Variants in LGR4 observed in about 807,000 individuals in gnomAD.
The protein encoded by LGR4 is leucine-rich repeat-containing G protein-coupled receptor 4.
In LGR4, 44 loss-of-function variants were observed where a neutral mutation model predicts 84.8. The observed-to-expected ratio is 0.52, with a 90% CI of 0.41 to 0.67. LGR4 has a LOEUF of 0.67. Ranked by LOEUF, LGR4 falls within the 30% of genes least tolerant of loss-of-function variation. LGR4 has a pLI of 0.00. For missense variants in LGR4, 1,032 were observed against 1,131.4 expected, an observed-to-expected ratio of 0.91 and a Z score of 1.26; for synonymous variants, 429 against 434.3, an observed-to-expected ratio of 0.99 and a Z score of 0.15.
At position 27,366,279 on chromosome 11, in the gene LGR4, T is replaced by A. The variant is rs1252398533; in HGVS notation, c.*1588A>T. The A allele has an allele frequency of 2.6e-5, 4 of 152,580 alleles. No homozygotes were observed. The highest frequency in any genetic ancestry group is 4.4e-5 in the Non-Finnish European group (3 of 67,970). The allele number at this position is 152,580 out of a possible 1,614,324, so 9.5% of individuals were successfully genotyped here. A position where few individuals can be genotyped will look rare whatever the true frequency, so the allele number is the denominator to read the frequency against. The stretch of plus-strand genomic sequence containing the variant: ...TTATACAAACTACATGATTTTGATA[T>A]ACAAAGATTCTGTTTTTATTACACT... On this transcript the variant is annotated 3_prime_UTR_variant, in exon 18 of 18. Transcript: ENST00000379214.
chr11:27,400,541 C>T (rs1209020015), intron 2 of LGR4, among the ~76,000 whole-genome samples: 5 of 149,852 alleles, frequency 3.3e-5, no homozygotes, highest in South Asian at 2.1e-4. Flanking sequence ...CTCACTCTGT[C>T]GCCCAGGCTG....
At chr11:27,442,770 G>A (rs539446110) in intron 1 of LGR4, among the ~76,000 whole-genome samples, 7 of 152,298 alleles carry the variant, frequency 4.6e-5, no homozygotes, top group African/African-American at 7.2e-5. Flanking sequence ...AGAGAGGGCC[G>A]TAGAGAGAAG....
chr11:27,404,351 G>C (rs1022706496), intron 2 of LGR4, among the ~76,000 whole-genome samples: 1 of 151,898 alleles, frequency 6.6e-6, no homozygotes, highest in East Asian at 1.9e-4. Context: ...TTCGTTCCTG[G>C]GCTGCTAAGC....
intron 1 of LGR4, chr11:27,471,598 G>A (rs1864873493): frequency 6.6e-6 from 1 of 152,358 alleles, no homozygotes; most frequent in African/African-American, 2.4e-5. Flanking sequence ...CCCTGACTGA[G>A]GTACAGGTGT....
intron 2 of LGR4, among the ~76,000 whole-genome samples, 191 bp from the exon 3 acceptor site, chr11:27,392,709 G>A (rs902061075): frequency 1.3e-5 from 2 of 152,044 alleles, no homozygotes; most frequent in African/African-American, 4.8e-5. Flanking sequence ...AATGTCTCTA[G>A]AATTTTTTTT....
intron 4 of LGR4, among the ~76,000 whole-genome samples, chr11:27,389,740 G>A (rs1405964726): frequency 6.6e-6 from 1 of 152,114 alleles, no homozygotes; most frequent in East Asian, 1.9e-4. Context: ...GATGAATTCA[G>A]GTCCAAGAGA....
At chr11:27,444,921 C>G (rs1347781957) in intron 1 of LGR4, among the ~76,000 whole-genome samples, 1 of 152,148 alleles carries the variant, frequency 6.6e-6, no homozygotes, top group African/African-American at 2.4e-5. Flanking sequence ...AGGTAGGGTT[C>G]TCAGAGAACA....
chr11:27,402,881 C>A (rs1267970663), intron 2 of LGR4, among the ~76,000 whole-genome samples: 2 of 152,086 alleles, frequency 1.3e-5, no homozygotes, highest in African/African-American at 4.8e-5. Context: ...GTGATCTTGA[C>A]GTAGAAGCAA....
intron 1 of LGR4, among the ~76,000 whole-genome samples, chr11:27,451,521 G>A (rs73448048): frequency 0.066 from 10,085 of 152,168 alleles, 989 homozygotes; most frequent in African/African-American, 0.21. Flanking sequence ...CACATCACTG[G>A]GGTTAACAAT....
At chr11:27,442,763 G>C (rs907089184) in intron 1 of LGR4, among the ~76,000 whole-genome samples, 1 of 152,310 alleles carries the variant, frequency 6.6e-6, no homozygotes, top group South Asian at 2.1e-4. Context: ...ATGAAGAAGA[G>C]AGGGCCGTAG....
intron 1 of LGR4, among the ~76,000 whole-genome samples, chr11:27,437,626 T>C (rs994115925): frequency 1.2e-4 from 18 of 151,964 alleles, no homozygotes; most frequent in African/African-American, 4.4e-4. Flanking sequence ...TTAAAGTCTT[T>C]ATGGATTTTT....
chr11:27,445,256 G>A lies in LGR4; in HGVS notation c.185+26862C>T, dbSNP rs533457398. Among the ~76,000 whole-genome samples, 27 of 152,188 alleles carry A rather than the reference G, an allele frequency of 1.8e-4. No homozygotes were observed. In the South Asian group the frequency reaches 4.8e-3, roughly 27 times the overall value. ...AACCCTATCACCTATGGACACGTGC[G>A]GGCCAGTGTGAGAGACTGGAGGGCA... On this transcript the variant is annotated intron_variant, in intron 1 of 17. Transcript: ENST00000379214.
intron 2 of LGR4, among the ~76,000 whole-genome samples, chr11:27,412,403 C>G (rs765790982): frequency 1.3e-5 from 2 of 152,082 alleles, no homozygotes; most frequent in Non-Finnish European, 2.9e-5. Context: ...CCTGAAACAC[C>G]TTGTGTTATT....
At chr11:27,444,291 G>C (rs1565095712) in intron 1 of LGR4, among the ~76,000 whole-genome samples, 2 of 152,272 alleles carry the variant, frequency 1.3e-5, no homozygotes, top group East Asian at 3.9e-4. Flanking sequence ...AGTTAGAGCT[G>C]AGACAGGCAG....
At chr11:27,452,014 A>G (rs1029204337) in intron 1 of LGR4, among the ~76,000 whole-genome samples, 2 of 152,228 alleles carry the variant, frequency 1.3e-5, no homozygotes, top group African/African-American at 2.4e-5. Context: ...GCTGGGGGAA[A>G]AAATGGACAC....
At chr11:27,410,065 T>C (rs1383537221) in intron 2 of LGR4, among the ~76,000 whole-genome samples, 41 of 152,174 alleles carry the variant, frequency 2.7e-4, no homozygotes, top group Non-Finnish European at 1.5e-5. Flanking sequence ...ACGTGAAATG[T>C]GGCTAGTTCA....
At chr11:27,378,429 G>A (rs901776005) in intron 11 of LGR4, among the ~76,000 whole-genome samples, 1 of 152,032 alleles carries the variant, frequency 6.6e-6, no homozygotes, top group African/African-American at 2.4e-5. Flanking sequence ...CAAAGAGCAG[G>A]ATGAGAAAAA....
intron 4 of LGR4, among the ~76,000 whole-genome samples, chr11:27,390,415 G>T (rs74785871): frequency 6.6e-6 from 1 of 152,014 alleles, no homozygotes; most frequent in Non-Finnish European, 1.5e-5. Context: ...TTTAAAATTA[G>T]ACTTCTGAAT....
intron 4 of LGR4, among the ~76,000 whole-genome samples, chr11:27,387,938 G>A (rs1005148518): frequency 6.6e-6 from 1 of 152,090 alleles, no homozygotes; most frequent in Non-Finnish European, 1.5e-5. Context: ...AAACTCTTGT[G>A]AATTCTGTGT....
Sources: allele counts gnomAD v4.1 joint callset (sites outside exome capture counted in the v4.1 genomes callset), GRCh38; gene constraint gnomAD v4.1.1; transcripts MANE v1.5; gene names NCBI Gene and HGNC (gene_info 2026-07-23, HGNC 2026-07-21).